Variants in CPNE4 observed in about 807,000 individuals in gnomAD.
The protein encoded by CPNE4 is copine-4.
In CPNE4, 25 loss-of-function variants were observed where a neutral mutation model predicts 67.9. The observed-to-expected ratio is 0.37, with a 90% CI of 0.27 to 0.51. CPNE4 has a LOEUF of 0.51. Among genes scored for constraint, CPNE4 ranks in the 20% least tolerant of loss-of-function variants. The pLI is 0.93. For synonymous variants in CPNE4, 242 were observed against 244.9 expected (o/e 0.99, Z 0.11); for missense variants, 464 against 690.8 (o/e 0.67, Z 3.68).
chr3:131,796,205 C>G (rs187192867), intron 2 of CPNE4, among the ~76,000 whole-genome samples: 93 of 152,096 alleles, frequency 6.1e-4, no homozygotes, highest in African/African-American at 2.1e-3. Flanking sequence ...CACAGCTGTC[C>G]AAGGTTATTT....
intron 7 of CPNE4, among the ~76,000 whole-genome samples, chr3:131,656,049 GTTTC>G (rs1164625901): frequency 2.7e-4 from 37 of 135,818 alleles, no homozygotes; most frequent in African/African-American, 1.0e-3. Flanking sequence ...CCACAATACT[GTTTC>G]TTTTTTTTTT....
chr3:131,979,933 A>G lies in CPNE4; in HGVS notation c.-2+54634T>C, dbSNP rs149772792. 9.9e-5 allele frequency among the ~76,000 whole-genome samples: 15 copies of G among 152,232 alleles called. No homozygotes were observed. The East Asian group carries it at 2.1e-3, about 22-fold the overall frequency. ...AGCATTTGTCTGTCTGAAAAAGACT[A>G]TATTTTTCCTTCATATATGATGCTT... On this transcript the variant is annotated intron_variant, in intron 1 of 15. Coordinates refer to ENST00000429747, the MANE Select transcript of CPNE4 (RefSeq NM_130808.3).
chr3:131,867,949 A>C (rs2087028002), intron 2 of CPNE4, among the ~76,000 whole-genome samples: 1 of 152,132 alleles, frequency 6.6e-6, no homozygotes, highest in Admixed American at 6.6e-5. Flanking sequence ...TTACCTAATA[A>C]TTGCTGTTTG....
chr3:131,564,392 G>A (rs201147334), intron 10 of CPNE4, 43 bp from the exon 11 acceptor site: 147 of 1,580,202 alleles, frequency 9.3e-5, no homozygotes, highest in Non-Finnish European at 1.2e-4. Context: ...TAAAGTGGAT[G>A]CATCTCCTAA....
chr3:131,797,964 G>T (rs1348438963), intron 2 of CPNE4, among the ~76,000 whole-genome samples: 1 of 152,138 alleles, frequency 6.6e-6, no homozygotes, highest in Non-Finnish European at 1.5e-5. Context: ...TTCCCAGTGA[G>T]GGTTCTCTTC....
chr3:131,777,491 G>C (rs2083319468), intron 2 of CPNE4, among the ~76,000 whole-genome samples: 1 of 151,846 alleles, frequency 6.6e-6, no homozygotes, highest in Admixed American at 6.6e-5. Flanking sequence ...CCTACCCAAA[G>C]GGTAGATGAG....
At chr3:131,692,164 C>T (rs553164090) in intron 5 of CPNE4, among the ~76,000 whole-genome samples, 1 of 152,034 alleles carries the variant, frequency 6.6e-6, no homozygotes, top group South Asian at 2.1e-4. Context: ...TGACGGTGAT[C>T]TTGAAAATGG....
At chr3:131,571,725 C>T (rs1176773331) in intron 10 of CPNE4, among the ~76,000 whole-genome samples, 1 of 151,934 alleles carries the variant, frequency 6.6e-6, no homozygotes, top group Non-Finnish European at 1.5e-5. Flanking sequence ...TCACCACCAT[C>T]AAACACCCAG....
chr3:131,990,074 T>C (rs947047952), intron 1 of CPNE4, among the ~76,000 whole-genome samples: 3 of 136,746 alleles, frequency 2.2e-5, no homozygotes, highest in African/African-American at 7.4e-5. Flanking sequence ...GCAATGCCCA[T>C]TGTTTCACTG....
chr3:132,026,494 A>G (rs1221385737), intron 1 of CPNE4, among the ~76,000 whole-genome samples: 1 of 152,200 alleles, frequency 6.6e-6, no homozygotes, highest in Non-Finnish European at 1.5e-5. Flanking sequence ...CCTGGTCTGA[A>G]TTGGAATAGG....
chr3:131,765,033 T>A (rs189905555), intron 2 of CPNE4, among the ~76,000 whole-genome samples: 2 of 152,220 alleles, frequency 1.3e-5, no homozygotes, highest in African/African-American at 4.8e-5. Context: ...CCTTGTGTTG[T>A]CACTGGTATT....
chr3:131,604,539 T>C (rs1357290797), intron 7 of CPNE4, among the ~76,000 whole-genome samples: 1 of 152,142 alleles, frequency 6.6e-6, no homozygotes, highest in Non-Finnish European at 1.5e-5. Context: ...GGGCACCATC[T>C]AATCAGCTGC....
chr3:131,830,092 T>C (rs1337606660), intron 2 of CPNE4, among the ~76,000 whole-genome samples: 2 of 152,194 alleles, frequency 1.3e-5, no homozygotes, highest in Non-Finnish European at 2.9e-5. Context: ...TGCATTAAAA[T>C]CTGGATGCCC....
chr3:131,881,776 A>G (rs1560530705), intron 2 of CPNE4, among the ~76,000 whole-genome samples: 1 of 152,094 alleles, frequency 6.6e-6, no homozygotes, highest in Non-Finnish European at 1.5e-5. Flanking sequence ...AAACAATTGG[A>G]GCTTCTATTT....
At chr3:131,775,959 G>A (rs1482605127) in intron 2 of CPNE4, among the ~76,000 whole-genome samples, 1 of 152,150 alleles carries the variant, frequency 6.6e-6, no homozygotes, top group Non-Finnish European at 1.5e-5. Flanking sequence ...GGCTTCCTAA[G>A]CCCTCATGCA....
At chr3:131,909,949 C>A (rs2088915378) in intron 1 of CPNE4, among the ~76,000 whole-genome samples, 2 of 152,170 alleles carry the variant, frequency 1.3e-5, no homozygotes, top group Admixed American at 6.5e-5. Flanking sequence ...TGGATCACTT[C>A]TTTAAGCAAC....
intron 7 of CPNE4, among the ~76,000 whole-genome samples, chr3:131,592,039 T>C (rs1407342952): frequency 6.6e-6 from 1 of 152,148 alleles, no homozygotes; most frequent in African/African-American, 2.4e-5. Context: ...TGACAGATAG[T>C]CTAATTAACC....
intron 2 of CPNE4, among the ~76,000 whole-genome samples, chr3:131,830,724 C>T (rs578111930): frequency 1.4e-4 from 22 of 152,114 alleles, no homozygotes; most frequent in African/African-American, 4.8e-4. Context: ...TATTGTTTCT[C>T]TTTTCCAATT....
At position 132,034,622 on chromosome 3, in the gene CPNE4, T is replaced by C; in HGVS notation, c.-57A>G. 1 of 985,438 alleles carries C rather than the reference T, an allele frequency of 1.0e-6. No homozygotes were observed. Among genetic ancestry groups the C allele is most frequent in the Non-Finnish European group, 1.2e-6 (1 of 830,034 alleles). The allele number at this position is 985,438 out of a possible 1,614,324, so 61.0% of individuals were successfully genotyped here. A position where few individuals can be genotyped will look rare whatever the true frequency, so the allele number is the denominator to read the frequency against. On this transcript the variant is annotated 5_prime_UTR_variant, in exon 1 of 16. Coordinates refer to ENST00000429747, the MANE Select transcript of CPNE4 (RefSeq NM_130808.3). ...AGAATTCAGCCCGGGACGAGGTCTG[T>C]CCCGCCCCCAGGATGCAAAATCCGG...
Sources: allele counts gnomAD v4.1 joint callset (sites outside exome capture counted in the v4.1 genomes callset), GRCh38; gene constraint gnomAD v4.1.1; transcripts MANE v1.5; gene names NCBI Gene and HGNC (gene_info 2026-07-23, HGNC 2026-07-21).